AGMO: variants seen among roughly 807,000 people sequenced by gnomAD.
The protein encoded by AGMO is alkylglycerol monooxygenase, also known as glyceryl-ether monooxygenase.
Under a neutral mutation model 60.2 loss-of-function variants are expected in AGMO, and 75 were observed. The ratio of observed to expected loss-of-function variants is 1.25; its 90% CI spans 1.03 to 1.51. AGMO has a LOEUF of 1.51. AGMO is among the 40% of genes most tolerant of loss of function. The pLI is 0.00. For synonymous variants in AGMO, 261 were observed against 177.1 expected, an observed-to-expected ratio of 1.47 and a Z score of -3.76; for missense variants, 763 against 525.5, an observed-to-expected ratio of 1.45 and a Z score of -4.42.
chr7:15,531,502 A>C lies in AGMO; in HGVS notation c.409+13270T>G, dbSNP rs10258518. On this transcript the variant is annotated intron_variant, in intron 3 of 12. Transcript: ENST00000342526. ...TCTATATATATTCTATATATATTCT[A>C]TATATATTCTCTATATATATTCTAT... 1.4e-3 allele frequency among the ~76,000 whole-genome samples: 58 copies of C among 41,462 alleles called. 7 individuals carry two copies. The highest frequency in any genetic ancestry group is 6.9e-3 in the South Asian group (10 of 1,452). 27.2% of individuals were successfully genotyped at this position (41,462 alleles called of 152,430 possible). A position where few individuals can be genotyped will look rare whatever the true frequency, so the allele number is the denominator to read the frequency against.
At chr7:15,456,828 G>A (rs529004251) in intron 3 of AGMO, among the ~76,000 whole-genome samples, 40 of 152,140 alleles carry the variant, frequency 2.6e-4, no homozygotes, top group South Asian at 8.3e-4. Flanking sequence ...TAGCTAACAA[G>A]TTTAATTCTT....
At chr7:15,548,324 T>C (rs1240556090) in intron 2 of AGMO, among the ~76,000 whole-genome samples, 1 of 151,978 alleles carries the variant, frequency 6.6e-6, no homozygotes, top group Non-Finnish European at 1.5e-5. Flanking sequence ...GAGAATGACT[T>C]TGACGAGCTG....
At chr7:15,371,685 A>G (rs1376477329) in intron 10 of AGMO, among the ~76,000 whole-genome samples, 5 of 151,186 alleles carry the variant, frequency 3.3e-5, no homozygotes, top group Non-Finnish European at 7.4e-5. Context: ...GGCGTGAGCC[A>G]CTGAACCCAG....
intron 12 of AGMO, among the ~76,000 whole-genome samples, chr7:15,250,788 G>A (rs1782906939): frequency 6.6e-6 from 1 of 151,678 alleles, no homozygotes; most frequent in Non-Finnish European, 1.5e-5. Flanking sequence ...TACTAAAAAT[G>A]CAAAAAATGA....
At chr7:15,463,936 T>C (rs1782211355) in intron 3 of AGMO, among the ~76,000 whole-genome samples, 1 of 152,168 alleles carries the variant, frequency 6.6e-6, no homozygotes, top group Non-Finnish European at 1.5e-5. Context: ...GCTGTAAGAT[T>C]GAGAAATCAC....
At chr7:15,424,665 C>G (rs564393664) in intron 4 of AGMO, among the ~76,000 whole-genome samples, 1 of 152,266 alleles carries the variant, frequency 6.6e-6, no homozygotes, top group Non-Finnish European at 1.5e-5. Flanking sequence ...CCAAGAGCCT[C>G]ATTTCTTTAA....
At position 15,553,036 on chromosome 7, in the gene AGMO, T is replaced by C. The variant is rs981296899; in HGVS notation, c.257+7105A>G. ...GTCCTTTGTAGGGACATGGATGAAA[T>C]TGGAAATCATCATTCTCAGTAAACT... On this transcript the variant is annotated intron_variant, in intron 2 of 12. Transcript: ENST00000342526. 5.3e-5 allele frequency among the ~76,000 whole-genome samples: 8 copies of C among 151,214 alleles called. No individual in the cohort carries two copies. In the East Asian group the frequency reaches 9.8e-4, roughly 19 times the overall value.
At chr7:15,322,582 AT>A (rs1563086388) in intron 12 of AGMO, among the ~76,000 whole-genome samples, 4 of 40,586 alleles carry the variant, frequency 9.9e-5, no homozygotes, top group Admixed American at 5.6e-4. Context: ...ATAAATATAT[AT>A]AAATATATAA....
At chr7:15,243,554 G>T (rs1583321592) in intron 12 of AGMO, among the ~76,000 whole-genome samples, 1 of 152,274 alleles carries the variant, frequency 6.6e-6, no homozygotes, top group South Asian at 2.1e-4. Context: ...AGATGAGTTT[G>T]CATGATCGTG....
intron 12 of AGMO, among the ~76,000 whole-genome samples, chr7:15,212,917 G>C (rs890122134): frequency 6.6e-6 from 1 of 151,894 alleles, no homozygotes; most frequent in Admixed American, 6.6e-5. Flanking sequence ...ACTTTCATAC[G>C]TGCAAACATC....
chr7:15,386,156 G>C (rs1311325078), intron 9 of AGMO, among the ~76,000 whole-genome samples: 1 of 150,252 alleles, frequency 6.7e-6, no homozygotes, highest in Non-Finnish European at 1.5e-5. Flanking sequence ...TCTCCAACCT[G>C]GGCAACAGTC....
intron 12 of AGMO, among the ~76,000 whole-genome samples, chr7:15,309,613 A>T (rs1780710755): frequency 6.6e-6 from 1 of 152,258 alleles, no homozygotes; most frequent in African/African-American, 2.4e-5. Flanking sequence ...CCTAATTATT[A>T]GTTTTCTATA....
intron 10 of AGMO, 124 bp from the exon 11 acceptor site, chr7:15,366,346 T>C (rs904367343): frequency 1.2e-5 from 7 of 570,566 alleles, no homozygotes; most frequent in Non-Finnish European, 1.8e-5. Flanking sequence ...ATTGACACTT[T>C]ACAGAAAGCT....
intron 12 of AGMO, among the ~76,000 whole-genome samples, chr7:15,248,205 T>TAC (rs1782816607): frequency 1.0e-5 from 1 of 96,736 alleles, no homozygotes. Flanking sequence ...TATATATATA[T>TAC]ATATATATAT....
the AGMO span, among the ~76,000 whole-genome samples, chr7:15,136,077 T>C: frequency 6.7e-6 from 1 of 148,934 alleles, no homozygotes; most frequent in African/African-American, 2.5e-5. Context: ...TACTGCAACC[T>C]CTGCCTCCTG....
At position 15,322,542 on chromosome 7, in the gene AGMO, A is replaced by G. The variant is rs1390565197; in HGVS notation, c.1263+42972T>C. On this transcript the variant is annotated intron_variant, in intron 12 of 12. Transcript: ENST00000342526. ...AATATATATAAATATATAAATATATATATAAATATATATAAATATATAAAT... is the reference window on the plus strand; with the variant it reads ...AATATATATAAATATATAAATATATGTATAAATATATATAAATATATAAAT... Among the ~76,000 whole-genome samples, 105 of 58,628 alleles carry G rather than the reference A, an allele frequency of 1.8e-3. 2 individuals carry two copies. Among genetic ancestry groups the G allele is most frequent in the East Asian group, 2.4e-3 (6 of 2,512 alleles). The allele number at this position is 58,628 out of a possible 152,430, so 38.5% of individuals were successfully genotyped here. A position where few individuals can be genotyped will look rare whatever the true frequency, so the allele number is the denominator to read the frequency against.
chr7:15,479,018 T>A (rs1260765375), intron 3 of AGMO, among the ~76,000 whole-genome samples: 2 of 152,188 alleles, frequency 1.3e-5, no homozygotes, highest in African/African-American at 2.4e-5. Context: ...ACATTGCACC[T>A]GCAGGTGATA....
chr7:15,218,453 G>T (rs532417096), intron 12 of AGMO, among the ~76,000 whole-genome samples: 43 of 151,274 alleles, frequency 2.8e-4, no homozygotes, highest in African/African-American at 9.7e-4. Flanking sequence ...TTCTTTTAGT[G>T]GTTAGTTCAC....
In AGMO at chr7:15,366,157, T is replaced by C; in HGVS notation, c.1140A>G (p.Gly380=). ...CFIILTLTSI[G]FLLDQRPKAA... ...CTTCTTGCCTTTGATCCAGAAGAAA[T>C]CCAATGGAAGTCAAGGTCAGGATAA... Residue 380 remains glycine (G), a synonymous_variant, in exon 11 of 13, where the codon GGA becomes GGG. Transcript: ENST00000342526. 4 of 1,607,766 alleles carry C rather than the reference T, an allele frequency of 2.5e-6. No individual in the cohort carries two copies. Among genetic ancestry groups the C allele is most frequent in the Non-Finnish European group, 3.4e-6 (4 of 1,176,402 alleles).
Sources: allele counts gnomAD v4.1 joint callset (sites outside exome capture counted in the v4.1 genomes callset), GRCh38; gene constraint gnomAD v4.1.1; transcripts MANE v1.5; gene names NCBI Gene and HGNC (gene_info 2026-07-23, HGNC 2026-07-21).